ZNF705A: variants seen among roughly 807,000 people sequenced by gnomAD.
ZNF705A encodes the protein zinc finger protein 705A.
ZNF705A carries 8 observed loss-of-function variants against 16.6 expected under a neutral mutation model. The ratio of observed to expected loss-of-function variants is 0.48; its 90% CI spans 0.28 to 0.87. The LOEUF is 0.87. Ranked by LOEUF, ZNF705A falls within the 40% of genes least tolerant of loss-of-function variation. The probability of loss-of-function intolerance (pLI) is 0.10; values close to 1 mark genes in which losing one functional copy is unlikely to be tolerated. For missense variants in ZNF705A, 233 were observed against 359.9 expected, an observed-to-expected ratio of 0.65 and a Z score of 2.85; for synonymous variants, 73 against 117.3, an observed-to-expected ratio of 0.62 and a Z score of 2.44.
intron 2 of ZNF705A, among the ~76,000 whole-genome samples, chr12:8,174,974 C>T (rs1235928259): frequency 6.6e-6 from 1 of 152,154 alleles, no homozygotes; most frequent in Non-Finnish European, 1.5e-5. Context: ...TGTCTTGGAA[C>T]TTAGGCATGG....
At chr12:8,166,846 C>T (rs905388873) in intron 1 of ZNF705A, among the ~76,000 whole-genome samples, 26 of 152,248 alleles carry the variant, frequency 1.7e-4, no homozygotes, top group African/African-American at 6.0e-4. Flanking sequence ...CAAAACCATT[C>T]TTCCCTCCTA....
At chr12:8,170,192 C>G (rs145174240), upstream of ZNF705A, among the ~76,000 whole-genome samples, 63,482 of 126,420 alleles carry the variant, frequency 0.5, 16,197 homozygotes, top group Non-Finnish European at 0.56. Context: ...TCTCCCCCCC[C>G]CCCCAAAAAA....
chr12:8,171,435 A>G (rs1472545152), upstream of ZNF705A, among the ~76,000 whole-genome samples: 1 of 152,202 alleles, frequency 6.6e-6, no homozygotes, highest in Non-Finnish European at 1.5e-5. Flanking sequence ...CTCAGCAAAT[A>G]TGTATCATGA....
chr12:8,160,751 A>G (rs1948348069), intron 1 of ZNF705A, among the ~76,000 whole-genome samples: 2 of 152,124 alleles, frequency 1.3e-5, no homozygotes, highest in Admixed American at 6.6e-5. Flanking sequence ...TTTTCGAGAT[A>G]AATGACCATA....
upstream of ZNF705A, among the ~76,000 whole-genome samples, chr12:8,168,317 G>T (rs1342744421): frequency 6.6e-6 from 1 of 152,286 alleles, no homozygotes; most frequent in East Asian, 1.9e-4. Flanking sequence ...TTTCTAGTGG[G>T]TAGGGGAAGA....
chr12:8,172,747 G>A, intron 1 of ZNF705A, 110 bp downstream of exon 2: 1 of 1,522,686 alleles, frequency 6.6e-7, no homozygotes, highest in Non-Finnish European at 8.9e-7. Context: ...CTGTTTGTTT[G>A]TTTTTATGAT....
upstream of ZNF705A, among the ~76,000 whole-genome samples, chr12:8,169,053 C>G (rs1383110974): frequency 6.6e-6 from 1 of 151,786 alleles, no homozygotes; most frequent in Non-Finnish European, 1.5e-5. Flanking sequence ...TAGATTTCTC[C>G]CTTGATTTTC....
At chr12:8,167,648 C>T (rs997913130), upstream of ZNF705A, among the ~76,000 whole-genome samples, 1 of 152,136 alleles carries the variant, frequency 6.6e-6, no homozygotes, top group African/African-American at 2.4e-5. Context: ...GTTCTCCAAG[C>T]ACTGAGATGT....
chr12:8,171,948 GC>G (rs1294966105), upstream of ZNF705A, among the ~76,000 whole-genome samples: 3 of 152,168 alleles, frequency 2.0e-5, no homozygotes, highest in Admixed American at 2.0e-4. Context: ...TGTTGGCCAG[GC>G]TAGTCTTGAA....
intron 1 of ZNF705A, 78 bp downstream of exon 2, chr12:8,172,715 G>C: frequency 6.4e-7 from 1 of 1,567,874 alleles, no homozygotes; most frequent in Non-Finnish European, 8.6e-7. Context: ...AATTTGCATG[G>C]GTGTTTCATT....
At chr12:8,177,908 T>C (rs1306680207) in exon 5 of ZNF705A, 1 of 410,974 alleles carries the variant, frequency 2.4e-6, no homozygotes. Context: ...GAAGAGAAAT[T>C]GTATGACATG....
upstream of ZNF705A, among the ~76,000 whole-genome samples, chr12:8,170,221 T>G (rs74240328): frequency 5.3e-4 from 73 of 136,992 alleles, no homozygotes; most frequent in East Asian, 0.015. Context: ...GAGAGAGACA[T>G]CTGGAGGGAG....
At chr12:8,179,638 T>G (rs1014977999) in exon 5 of ZNF705A, 2 of 152,220 alleles carry the variant, frequency 1.3e-5, no homozygotes, top group African/African-American at 4.8e-5. Context: ...CACAAGTGAT[T>G]GATTTTACTC....
At chr12:8,157,136 C>A in intron 1 of ZNF705A, 44 bp downstream of exon 1, 1 of 397,186 alleles carries the variant, frequency 2.5e-6, no homozygotes, top group South Asian at 1.3e-4. Flanking sequence ...TTCTAATGTC[C>A]ACATTCCTAT....
exon 3 of ZNF705A, chr12:8,175,263 C>T: frequency 6.3e-7 from 1 of 1,597,364 alleles, no homozygotes; most frequent in Middle Eastern, 2.3e-4. Context: ...AATTTTGCAG[C>T]TGGAGCAAGG....
At chr12:8,169,877 G>T (rs1404938780), upstream of ZNF705A, among the ~76,000 whole-genome samples, 2 of 152,090 alleles carry the variant, frequency 1.3e-5, no homozygotes, top group African/African-American at 2.4e-5. Flanking sequence ...GTGCAGAATG[G>T]CTCCTTCCTC....
intron 4 of ZNF705A, among the ~76,000 whole-genome samples, 167 bp downstream of exon 5, chr12:8,176,109 C>A (rs941474026): frequency 1.3e-4 from 20 of 152,182 alleles, no homozygotes; most frequent in Non-Finnish European, 2.6e-4. Flanking sequence ...GAACTGTGTT[C>A]TAAACCATAA....
intron 1 of ZNF705A, among the ~76,000 whole-genome samples, chr12:8,165,220 A>G (rs1217327065): frequency 1.3e-5 from 2 of 150,218 alleles, no homozygotes; most frequent in Middle Eastern, 3.4e-3. Context: ...ATTTTTTCAT[A>G]TAGTTGTTGG....
upstream of ZNF705A, among the ~76,000 whole-genome samples, chr12:8,168,212 C>T (rs143488690): frequency 1.2e-3 from 179 of 152,282 alleles, no homozygotes; most frequent in African/African-American, 3.5e-3. Flanking sequence ...TTGATGTTAA[C>T]AGGTGTAGAC....
Sources: allele counts gnomAD v4.1 joint callset (sites outside exome capture counted in the v4.1 genomes callset), GRCh38; gene constraint gnomAD v4.1.1; transcripts MANE v1.5; gene names NCBI Gene and HGNC (gene_info 2026-07-23, HGNC 2026-07-21).